HPSE2: variants seen among roughly 807,000 people sequenced by gnomAD.
The protein encoded by HPSE2 is heparanase 2 (inactive), also known as inactive heparanase-2.
HPSE2 carries 38 observed loss-of-function variants against 60.5 expected under a neutral mutation model. That is an observed-to-expected ratio of 0.63 (90% confidence interval 0.48 to 0.82). HPSE2 has a LOEUF of 0.82. Ranked by LOEUF, HPSE2 falls within the 40% of genes least tolerant of loss-of-function variation. The pLI is 0.00. For synonymous variants in HPSE2, 295 were observed against 293.2 expected, an observed-to-expected ratio of 1.01 and a Z score of -0.06; for missense variants, 713 against 740.4, an observed-to-expected ratio of 0.96 and a Z score of 0.43.
chr10:98,483,613 T>A lies in HPSE2; in HGVS notation c.1467-831A>T, dbSNP rs115597976. Among the ~76,000 whole-genome samples the A allele has an allele frequency of 4.3e-3, 657 of 152,320 alleles. 6 individuals are homozygous for A. Among genetic ancestry groups the A allele is most frequent in the African/African-American group, 0.014 (588 of 41,568 alleles). ...GATTTTTTCTTCCTGCCCTACTAAGTGATCGCGTGATTTGCTTTGTCCAAT... is the reference window on the plus strand; with the variant it reads ...GATTTTTTCTTCCTGCCCTACTAAGAGATCGCGTGATTTGCTTTGTCCAAT... On this transcript the variant is annotated intron_variant, in intron 10 of 11. Transcript: ENST00000370552.
At chr10:99,198,904 C>G (rs920335433) in intron 2 of HPSE2, among the ~76,000 whole-genome samples, 1 of 152,140 alleles carries the variant, frequency 6.6e-6, no homozygotes, top group Non-Finnish European at 1.5e-5. Context: ...ATTAGTTTGA[C>G]TATCTCAAAT....
chr10:99,098,446 G>A (rs1256900600), intron 3 of HPSE2, among the ~76,000 whole-genome samples: 2 of 152,104 alleles, frequency 1.3e-5, no homozygotes, highest in African/African-American at 4.8e-5. Context: ...TTGCAAATAG[G>A]CTATTTTCAA....
intron 2 of HPSE2, among the ~76,000 whole-genome samples, chr10:99,214,696 T>C (rs1278514096): frequency 1.3e-5 from 2 of 151,998 alleles, no homozygotes; most frequent in Non-Finnish European, 2.9e-5. Context: ...TCTGTCCATC[T>C]GGCAAAGGTC....
chr10:98,872,729 A>G (rs1456271901), intron 3 of HPSE2, among the ~76,000 whole-genome samples: 1 of 152,106 alleles, frequency 6.6e-6, no homozygotes, highest in African/African-American at 2.4e-5. Flanking sequence ...AATATCTAAG[A>G]AAATATCCGG....
intron 9 of HPSE2, among the ~76,000 whole-genome samples, chr10:98,583,379 C>T (rs1473463341): frequency 6.6e-6 from 1 of 152,142 alleles, no homozygotes; most frequent in Non-Finnish European, 1.5e-5. Flanking sequence ...TTCAATAAAT[C>T]TGTGCTTTTC....
chr10:99,060,623 G>A (rs547651842), intron 3 of HPSE2, among the ~76,000 whole-genome samples: 132 of 137,344 alleles, frequency 9.6e-4, no homozygotes, highest in African/African-American at 3.4e-3. Flanking sequence ...GGGCCATTGC[G>A]CTCCAGCCTG....
intron 9 of HPSE2, among the ~76,000 whole-genome samples, chr10:98,567,935 C>T (rs937614763): frequency 6.6e-5 from 10 of 152,190 alleles, no homozygotes; most frequent in Non-Finnish European, 1.5e-4. Flanking sequence ...ACTGTGGCCC[C>T]ACCTCATGGG....
At chr10:98,544,888 G>A (rs1030788164) in intron 9 of HPSE2, among the ~76,000 whole-genome samples, 20 of 151,918 alleles carry the variant, frequency 1.3e-4, no homozygotes, top group Non-Finnish European at 2.8e-4. Context: ...AAAGATCAAC[G>A]AAATTGATAG....
chr10:99,298,774 G>A, the HPSE2 span, among the ~76,000 whole-genome samples: 21 of 151,714 alleles, frequency 1.4e-4, no homozygotes, highest in South Asian at 4.2e-4. Flanking sequence ...TTCCGGGTTC[G>A]AGAGATTCTC....
chr10:98,662,123 G>C (rs747185697), intron 6 of HPSE2, among the ~76,000 whole-genome samples: 34 of 152,102 alleles, frequency 2.2e-4, no homozygotes, highest in Admixed American at 3.9e-4. Context: ...TCGATCTCCT[G>C]ACCTCATGAT....
At chr10:98,641,285 A>G (rs891081541) in intron 7 of HPSE2, among the ~76,000 whole-genome samples, 3 of 152,212 alleles carry the variant, frequency 2.0e-5, no homozygotes, top group African/African-American at 7.2e-5. Context: ...AATACTTCAT[A>G]TTAAAATAGA....
chr10:98,922,560 T>C (rs1431672265), intron 3 of HPSE2, among the ~76,000 whole-genome samples: 4 of 151,992 alleles, frequency 2.6e-5, no homozygotes, highest in East Asian at 3.8e-4. Flanking sequence ...CAGAAAAAAA[T>C]GAAGAACATG....
At chr10:98,701,522 G>C (rs1948408851) in intron 5 of HPSE2, among the ~76,000 whole-genome samples, 1 of 149,322 alleles carries the variant, frequency 6.7e-6, no homozygotes, top group African/African-American at 2.5e-5. Flanking sequence ...GATAGCTTTA[G>C]GAGATATACC....
intron 2 of HPSE2, among the ~76,000 whole-genome samples, chr10:99,170,179 G>C (rs1376960508): frequency 1.3e-5 from 2 of 152,126 alleles, no homozygotes; most frequent in Non-Finnish European, 1.5e-5. Flanking sequence ...CAGCCATTTT[G>C]TACCAAGGAA....
chr10:98,993,365 G>A (rs1214424249), intron 3 of HPSE2, among the ~76,000 whole-genome samples: 1 of 152,132 alleles, frequency 6.6e-6, no homozygotes, highest in Non-Finnish European at 1.5e-5. Context: ...GTATCACAAT[G>A]ATTTGTTAAA....
intron 5 of HPSE2, among the ~76,000 whole-genome samples, chr10:98,714,912 ATTAGCAT>A (rs1948756192): frequency 6.6e-6 from 1 of 151,744 alleles, no homozygotes. Flanking sequence ...TGTGGTTTTG[ATTAGCAT>A]TTCCCTAACA....
At chr10:99,303,553 CT>C in the HPSE2 span, among the ~76,000 whole-genome samples, 1 of 152,316 alleles carries the variant, frequency 6.6e-6, no homozygotes, top group East Asian at 1.9e-4. Context: ...GGAAGGGCCC[CT>C]ATCAGGTGTT....
intron 3 of HPSE2, among the ~76,000 whole-genome samples, chr10:99,092,641 T>A (rs2135600891): frequency 6.6e-6 from 1 of 152,206 alleles, no homozygotes; most frequent in East Asian, 1.9e-4. Context: ...GGAAGGTGCC[T>A]AACTGAGTTT....
At chr10:99,314,555 T>G in the HPSE2 span, among the ~76,000 whole-genome samples, 1 of 152,206 alleles carries the variant, frequency 6.6e-6, no homozygotes, top group Non-Finnish European at 1.5e-5. Context: ...AAACATAACT[T>G]TCATATGCAC....
Sources: gnomAD v4.1 joint callset for allele counts (sites outside exome capture counted in the v4.1 genomes callset) on GRCh38, gnomAD v4.1.1 for gene constraint, MANE v1.5 for transcripts, NCBI Gene and HGNC (gene_info 2026-07-23, HGNC 2026-07-21) for gene names.